The following ADGRB3 variants were observed in gnomAD, a reference collection of about 807,000 sequenced individuals.
ADGRB3 encodes the protein adhesion G protein-coupled receptor B3.
A neutral mutation model predicts 193.4 loss-of-function variants in ADGRB3; 37 were observed. The observed-to-expected ratio is 0.19, with a 90% CI of 0.15 to 0.25. The LOEUF (loss-of-function observed/expected upper bound fraction) is 0.25, where lower values mean the gene tolerates loss of function less well. Ranked by LOEUF, ADGRB3 falls within the 10% of genes least tolerant of loss-of-function variation. The pLI is 1.00. For synonymous variants in ADGRB3, 690 were observed against 644.2 expected, an observed-to-expected ratio of 1.07 and a Z score of -1.08; for missense variants, 1,637 against 1,852.9, an observed-to-expected ratio of 0.88 and a Z score of 2.14.
chr6:68,645,650 C>A lies in ADGRB3; in HGVS notation c.757+6218C>A, dbSNP rs183529944. Among the ~76,000 whole-genome samples, 296 of 152,146 alleles carry A rather than the reference C, an allele frequency of 1.9e-3. 3 individuals are homozygous for A. Among genetic ancestry groups the A allele is most frequent in the African/African-American group, 6.9e-3 (288 of 41,518 alleles). ...GCTTGTATGCTCAAGTTATGTTAGG[C>A]CCTCGATAAATGTCAGTGCTCTTTT... On this transcript the variant is annotated intron_variant, in intron 3 of 31. Coordinates refer to ENST00000370598, the MANE Select transcript of ADGRB3 (RefSeq NM_001704.3).
At chr6:69,309,753 T>C (rs1413220971) in intron 20 of ADGRB3, among the ~76,000 whole-genome samples, 1 of 151,672 alleles carries the variant, frequency 6.6e-6, no homozygotes, top group Non-Finnish European at 1.5e-5. Flanking sequence ...TTAGACGTAA[T>C]TGAATTCTCT....
At chr6:68,773,325 C>A (rs1036610436) in intron 3 of ADGRB3, among the ~76,000 whole-genome samples, 1 of 152,084 alleles carries the variant, frequency 6.6e-6, no homozygotes, top group Non-Finnish European at 1.5e-5. Flanking sequence ...AATGCAGATT[C>A]TTTCTTCTAC....
chr6:69,194,259 C>T (rs1248287570), intron 17 of ADGRB3, among the ~76,000 whole-genome samples: 1 of 152,052 alleles, frequency 6.6e-6, no homozygotes, highest in African/African-American at 2.4e-5. Flanking sequence ...GAAATGAGAG[C>T]GTGTGGGGTT....
intron 17 of ADGRB3, among the ~76,000 whole-genome samples, chr6:69,189,857 T>A (rs1765150050): frequency 6.6e-6 from 1 of 152,120 alleles, no homozygotes; most frequent in Non-Finnish European, 1.5e-5. Context: ...ATGCCCAGCA[T>A]AACGTTGTGG....
At chr6:68,638,151 C>A (rs1184247873) in intron 2 of ADGRB3, among the ~76,000 whole-genome samples, 1 of 152,182 alleles carries the variant, frequency 6.6e-6, no homozygotes, top group Non-Finnish European at 1.5e-5. Context: ...AATTTATCAT[C>A]ATTACTTTTC....
At chr6:68,661,413 GTGTATATATATGTGTATACATA>G (rs1474673648) in intron 3 of ADGRB3, among the ~76,000 whole-genome samples, 2 of 109,514 alleles carry the variant, frequency 1.8e-5, no homozygotes, top group African/African-American at 7.8e-5. Context: ...ATATATGTGT[GTGTATATATATGTGTATACATA>G]TATATATGTG....
chr6:69,189,167 A>G (rs1561946806), intron 17 of ADGRB3, among the ~76,000 whole-genome samples: 2 of 152,174 alleles, frequency 1.3e-5, no homozygotes, highest in African/African-American at 4.8e-5. Flanking sequence ...TGGGAATAAC[A>G]TATGAATGTC....
chr6:68,967,366 T>C (rs1011636473), intron 8 of ADGRB3, among the ~76,000 whole-genome samples: 3 of 152,190 alleles, frequency 2.0e-5, no homozygotes, highest in African/African-American at 7.2e-5. Context: ...AACAACTATT[T>C]AATCAGCTTC....
intron 17 of ADGRB3, among the ~76,000 whole-genome samples, chr6:69,186,041 T>C (rs974806104): frequency 2.0e-5 from 3 of 152,072 alleles, no homozygotes; most frequent in African/African-American, 2.4e-5. Flanking sequence ...GGAGCAGTGC[T>C]GGTAACCAAT....
At chr6:69,106,086 G>T (rs1184464940) in intron 17 of ADGRB3, among the ~76,000 whole-genome samples, 1 of 146,904 alleles carries the variant, frequency 6.8e-6, no homozygotes, top group African/African-American at 2.5e-5. Context: ...TTAAACCCGG[G>T]AGGCAGAGGC....
intron 8 of ADGRB3, among the ~76,000 whole-genome samples, chr6:68,964,598 A>C (rs537594903): frequency 6.6e-6 from 1 of 152,330 alleles, no homozygotes; most frequent in East Asian, 1.9e-4. Context: ...ATTCAGTATA[A>C]CTAAAAGTTA....
intron 13 of ADGRB3, among the ~76,000 whole-genome samples, chr6:69,026,205 T>A (rs1770429199): frequency 1.3e-5 from 2 of 152,298 alleles, no homozygotes; most frequent in South Asian, 4.1e-4. Context: ...GTGGTTATAA[T>A]CGTTAAAAGA....
intron 17 of ADGRB3, among the ~76,000 whole-genome samples, chr6:69,139,601 AC>A (rs1774263064): frequency 1.3e-5 from 2 of 152,186 alleles, no homozygotes; most frequent in Admixed American, 1.3e-4. Flanking sequence ...ACCATTTTTT[AC>A]TATTATGTGG....
intron 11 of ADGRB3, among the ~76,000 whole-genome samples, chr6:69,006,330 A>C (rs1769749449): frequency 6.6e-6 from 1 of 152,052 alleles, no homozygotes; most frequent in Non-Finnish European, 1.5e-5. Flanking sequence ...GGGGAAAAAA[A>C]AACGAGATCT....
At chr6:68,740,503 T>C (rs940148011) in intron 3 of ADGRB3, among the ~76,000 whole-genome samples, 1 of 152,182 alleles carries the variant, frequency 6.6e-6, no homozygotes, top group Non-Finnish European at 1.5e-5. Context: ...TTTGTATCAA[T>C]AACCTTGGAT....
chr6:69,053,953 G>A (rs1004196977), intron 15 of ADGRB3, among the ~76,000 whole-genome samples: 1 of 152,118 alleles, frequency 6.6e-6, no homozygotes, highest in African/African-American at 2.4e-5. Flanking sequence ...CATTTAATAA[G>A]TTCAGCTTCC....
intron 31 of ADGRB3, among the ~76,000 whole-genome samples, chr6:69,387,958 T>G (rs1714176480): frequency 6.6e-6 from 1 of 152,100 alleles, no homozygotes; most frequent in African/African-American, 2.4e-5. Flanking sequence ...TCTAAGATCA[T>G]TTTAATAATT....
intron 17 of ADGRB3, among the ~76,000 whole-genome samples, chr6:69,078,009 T>C (rs1489009626): frequency 5.3e-5 from 8 of 152,030 alleles, no homozygotes; most frequent in Non-Finnish European, 7.4e-5. Flanking sequence ...TTTGTTCTTC[T>C]ATTTTGACTA....
chr6:68,696,179 A>G (rs970836108), intron 3 of ADGRB3, among the ~76,000 whole-genome samples: 8 of 152,132 alleles, frequency 5.3e-5, no homozygotes, highest in African/African-American at 1.9e-4. Context: ...ATTTAGAGGG[A>G]ACTTTTGGAA....
Sources: allele counts gnomAD v4.1 joint callset (sites outside exome capture counted in the v4.1 genomes callset), GRCh38; gene constraint gnomAD v4.1.1; transcripts MANE v1.5; gene names NCBI Gene and HGNC (gene_info 2026-07-23, HGNC 2026-07-21).